Variants in GRIK2 observed in about 807,000 individuals in gnomAD.
GRIK2 encodes glutamate receptor ionotropic, kainate 2.
In GRIK2, 32 loss-of-function variants were observed where a neutral mutation model predicts 100.3. The observed-to-expected ratio is 0.32, with a 90% confidence interval of 0.24 to 0.43. The LOEUF (loss-of-function observed/expected upper bound fraction) is 0.43, where lower values mean the gene tolerates loss of function less well. Among genes scored for constraint, GRIK2 ranks in the 20% least tolerant of loss-of-function variants. GRIK2 has a pLI of 1.00. For synonymous variants in GRIK2, 417 were observed against 389.4 expected, an observed-to-expected ratio of 1.07 and a Z score of -0.83; for missense variants, 843 against 1,114.9, an observed-to-expected ratio of 0.76 and a Z score of 3.47.
intron 2 of GRIK2, among the ~76,000 whole-genome samples, chr6:101,618,551 C>A (rs1422172454): frequency 6.6e-6 from 1 of 151,760 alleles, no homozygotes; most frequent in South Asian, 2.1e-4. Flanking sequence ...ATCAGTCATT[C>A]CTATTCTTTC....
intron 2 of GRIK2, among the ~76,000 whole-genome samples, chr6:101,598,627 T>TA (rs1225581813): frequency 1.3e-3 from 192 of 144,982 alleles, no homozygotes; most frequent in African/African-American, 4.3e-3. Flanking sequence ...AAAAAAAATT[T>TA]AAAAAAAAGG....
chr6:102,005,807 A>AAT (rs1795189500), intron 14 of GRIK2, among the ~76,000 whole-genome samples: 3 of 152,062 alleles, frequency 2.0e-5, no homozygotes, highest in Non-Finnish European at 4.4e-5. Context: ...TAACTGAAAC[A>AAT]ATAGATATTA....
At chr6:101,498,832 G>C (rs1315619034) in intron 2 of GRIK2, among the ~76,000 whole-genome samples, 1 of 152,138 alleles carries the variant, frequency 6.6e-6, no homozygotes, top group East Asian at 1.9e-4. Context: ...TGTTCACTCT[G>C]ATGGTAGTTT....
chr6:101,754,597 G>C (rs987021654), intron 7 of GRIK2, among the ~76,000 whole-genome samples: 3 of 152,138 alleles, frequency 2.0e-5, no homozygotes, highest in African/African-American at 4.8e-5. Flanking sequence ...TCAGTCTCAC[G>C]AGGGAAATAG....
chr6:101,997,912 AT>A, intron 14 of GRIK2, among the ~76,000 whole-genome samples: 1 of 152,254 alleles, frequency 6.6e-6, no homozygotes, highest in Non-Finnish European at 1.5e-5. Flanking sequence ...AACTAAAAAA[AT>A]CTGCTTTATT....
intron 14 of GRIK2, among the ~76,000 whole-genome samples, chr6:102,032,763 G>A (rs996623221): frequency 6.6e-6 from 1 of 151,114 alleles, no homozygotes; most frequent in African/African-American, 2.4e-5. Flanking sequence ...CATTCTGTTT[G>A]CTTTAGTCTT....
At chr6:101,489,683 T>G (rs1322460493) in intron 2 of GRIK2, among the ~76,000 whole-genome samples, 1 of 146,146 alleles carries the variant, frequency 6.8e-6, no homozygotes, top group Admixed American at 6.8e-5. Flanking sequence ...AGTGTTCCTC[T>G]GTAAAACTCT....
At chr6:101,406,664 G>T (rs1279645985) in intron 2 of GRIK2, among the ~76,000 whole-genome samples, 1 of 152,124 alleles carries the variant, frequency 6.6e-6, no homozygotes, top group Non-Finnish European at 1.5e-5. Flanking sequence ...GGTGCCTAAG[G>T]GAGTGCTGAG....
chr6:101,713,051 G>C (rs947454168), intron 7 of GRIK2, among the ~76,000 whole-genome samples: 1 of 151,710 alleles, frequency 6.6e-6, no homozygotes, highest in Non-Finnish European at 1.5e-5. Flanking sequence ...ATGTAGACTT[G>C]TCACAAAGAA....
intron 11 of GRIK2, among the ~76,000 whole-genome samples, chr6:101,876,492 C>T (rs200359260): frequency 6.7e-6 from 1 of 149,328 alleles, no homozygotes; most frequent in Non-Finnish European, 1.5e-5. Flanking sequence ...CAAACACACA[C>T]ACACACACAC....
chr6:101,478,344 T>C (rs918467354), intron 2 of GRIK2, among the ~76,000 whole-genome samples: 41 of 152,030 alleles, frequency 2.7e-4, no homozygotes, highest in African/African-American at 9.7e-4. Context: ...GAAGGTTTAC[T>C]TTCCTTTGTT....
chr6:101,494,086 A>G (rs571524604), intron 2 of GRIK2, among the ~76,000 whole-genome samples: 1 of 148,692 alleles, frequency 6.7e-6, no homozygotes, highest in South Asian at 2.1e-4. Flanking sequence ...TATAAATGTT[A>G]TTTATATACA....
intron 2 of GRIK2, among the ~76,000 whole-genome samples, chr6:101,553,212 C>A (rs1582701416): frequency 2.6e-5 from 4 of 152,078 alleles, no homozygotes. Context: ...TATGGCACGG[C>A]AATTAATGTG....
Position 101,682,542 on chromosome 6 carries a change from T to G in GRIK2, c.724-11T>G. ...AAATATGTACCTTCAGTAATTTTTT[T>G]TTTTCCTTAGGCATTAGCTATGGGA... On this transcript the variant is annotated splice_polypyrimidine_tract_variant and intron_variant, in intron 5 of 16. Transcript: ENST00000369134. 1 of 1,211,038 alleles carries G rather than the reference T, an allele frequency of 8.3e-7. No homozygotes were observed. The highest frequency in any genetic ancestry group is 2.3e-5 in the East Asian group (1 of 42,624). The allele number at this position is 1,211,038 out of a possible 1,614,324, so 75.0% of individuals were successfully genotyped here. A position where few individuals can be genotyped will look rare whatever the true frequency, so the allele number is the denominator to read the frequency against.
At chr6:101,709,580 C>G (rs1318631326) in intron 7 of GRIK2, among the ~76,000 whole-genome samples, 4 of 151,728 alleles carry the variant, frequency 2.6e-5, no homozygotes. Flanking sequence ...ACATACTTAC[C>G]TGTTATCCTT....
intron 7 of GRIK2, among the ~76,000 whole-genome samples, chr6:101,779,489 G>A (rs1371167340): frequency 6.6e-6 from 1 of 152,106 alleles, no homozygotes; most frequent in African/African-American, 2.4e-5. Flanking sequence ...CAATTTTAAA[G>A]GTTTGCAAAA....
intron 2 of GRIK2, among the ~76,000 whole-genome samples, chr6:101,467,551 ATT>A (rs1164766634): frequency 6.6e-6 from 1 of 152,174 alleles, no homozygotes; most frequent in African/African-American, 2.4e-5. Flanking sequence ...TTTCATTCTT[ATT>A]TTTAATAGCA....
At chr6:101,811,135 G>A (rs983818233) in intron 9 of GRIK2, among the ~76,000 whole-genome samples, 3 of 151,970 alleles carry the variant, frequency 2.0e-5, no homozygotes, top group South Asian at 2.1e-4. Context: ...ATATGGTTGG[G>A]GGCAACTCAT....
At chr6:101,535,642 AG>A (rs1166697900) in intron 2 of GRIK2, among the ~76,000 whole-genome samples, 1 of 151,826 alleles carries the variant, frequency 6.6e-6, no homozygotes, top group East Asian at 1.9e-4. Context: ...AAATTTAAAA[AG>A]CCACATTGTA....
Sources: gnomAD v4.1 joint callset for allele counts (sites outside exome capture counted in the v4.1 genomes callset) on GRCh38, gnomAD v4.1.1 for gene constraint, MANE v1.5 for transcripts, NCBI Gene and HGNC (gene_info 2026-07-23, HGNC 2026-07-21) for gene names.